The following RAB27B variants were observed in gnomAD, a reference collection of about 807,000 sequenced individuals.
RAB27B encodes ras-related protein Rab-27B.
Under a neutral mutation model 24.6 loss-of-function variants are expected in RAB27B, and 15 were observed. The ratio of observed to expected loss-of-function variants is 0.61; its 90% CI spans 0.41 to 0.94. The LOEUF (loss-of-function observed/expected upper bound fraction) is 0.94, where lower values mean the gene tolerates loss of function less well. RAB27B is among the 40% of genes least tolerant of loss of function. RAB27B has a pLI of 0.00. For synonymous variants in RAB27B, 105 were observed against 92.5 expected, an observed-to-expected ratio of 1.14 and a Z score of -0.78; for missense variants, 261 against 266.8, an observed-to-expected ratio of 0.98 and a Z score of 0.15.
intron 2 of RAB27B, among the ~76,000 whole-genome samples, chr18:54,804,500 A>C (rs1218174964): frequency 6.6e-6 from 1 of 152,198 alleles, no homozygotes; most frequent in African/African-American, 2.4e-5. Context: ...AGCCACATGG[A>C]ACTGTAAGTC....
intron 4 of RAB27B, among the ~76,000 whole-genome samples, chr18:54,887,178 A>T (rs1235028948): frequency 6.6e-6 from 1 of 151,418 alleles, no homozygotes; most frequent in East Asian, 1.9e-4. Context: ...ATTTGTAGTG[A>T]TTAAAAAATG....
chr18:54,719,331 A>G (rs1251678713), intron 2 of RAB27B, among the ~76,000 whole-genome samples: 1 of 152,074 alleles, frequency 6.6e-6, no homozygotes, highest in African/African-American at 2.4e-5. Context: ...TTTATTTGGT[A>G]AACAAAAGAG....
At chr18:54,850,647 T>G (rs1285709769) in intron 1 of RAB27B, among the ~76,000 whole-genome samples, 1 of 151,570 alleles carries the variant, frequency 6.6e-6, no homozygotes, top group East Asian at 1.9e-4. Flanking sequence ...ATTGCAGGCG[T>G]GAGCCACCGT....
At chr18:54,823,361 A>C (rs1192520614) in intron 2 of RAB27B, among the ~76,000 whole-genome samples, 1 of 152,216 alleles carries the variant, frequency 6.6e-6, no homozygotes, top group Non-Finnish European at 1.5e-5. Flanking sequence ...TTTCTGGTGA[A>C]GCCTTCCCTG....
At chr18:54,831,803 G>A (rs937856300) in intron 1 of RAB27B, among the ~76,000 whole-genome samples, 5 of 151,912 alleles carry the variant, frequency 3.3e-5, no homozygotes, top group Admixed American at 6.6e-5. Flanking sequence ...CTGAGACAGA[G>A]TCTTGCTCTG....
chr18:54,820,845 T>A (rs1910286850), intron 2 of RAB27B, among the ~76,000 whole-genome samples: 1 of 152,190 alleles, frequency 6.6e-6, no homozygotes, highest in African/African-American at 2.4e-5. Context: ...GGCTAGCTAG[T>A]TTTCCCAGCA....
intron 2 of RAB27B, among the ~76,000 whole-genome samples, chr18:54,798,418 T>C (rs1909491495): frequency 6.6e-6 from 1 of 152,210 alleles, no homozygotes; most frequent in Admixed American, 6.5e-5. Flanking sequence ...GGTGACAGGA[T>C]CAAAGAACTA....
At chr18:54,794,836 A>G (rs1909363669) in intron 2 of RAB27B, among the ~76,000 whole-genome samples, 1 of 152,246 alleles carries the variant, frequency 6.6e-6, no homozygotes, top group South Asian at 2.1e-4. Flanking sequence ...GTACAAAATA[A>G]TTAAAAATGT....
chr18:54,728,926 A>T (rs1226558463), intron 2 of RAB27B, among the ~76,000 whole-genome samples: 3 of 123,254 alleles, frequency 2.4e-5, no homozygotes, highest in Non-Finnish European at 3.5e-5. Context: ...AAAAAAAACC[A>T]CCACCAAAGG....
At chr18:54,829,181 C>G (rs1299551724) in intron 1 of RAB27B, among the ~76,000 whole-genome samples, 1 of 152,162 alleles carries the variant, frequency 6.6e-6, no homozygotes, top group Non-Finnish European at 1.5e-5. Flanking sequence ...CTTAAGAGTA[C>G]TTTCTGTTTT....
rs1212519594 is a variant in RAB27B at position 54,728,883 on chromosome 18, AAAAAAAAAAAAAAAAAACCC to A, written c.-20+10760_-20+10779del. The stretch of plus-strand genomic sequence containing the variant: ...AGAGTAAGACTCTGTCTCAAAAAAA[AAAAAAAAAAAAAAAAAACCC>A]AAAAAAAAAAAAAAAAAAAACCACC... On this transcript the variant is annotated intron_variant, in intron 2 of 4. Coordinates refer to the RAB27B transcript ENST00000586570. 1.1e-4 allele frequency among the ~76,000 whole-genome samples: 11 copies of A among 96,388 alleles called. No individual in the cohort carries two copies. In the South Asian group the frequency reaches 3.4e-3, roughly 30 times the overall value. 63.2% of individuals were successfully genotyped at this position (96,388 alleles called of 152,430 possible). A position where few individuals can be genotyped will look rare whatever the true frequency, so the allele number is the denominator to read the frequency against.
intron 1 of RAB27B, among the ~76,000 whole-genome samples, chr18:54,843,297 G>A (rs1233200468): frequency 2.0e-5 from 3 of 152,098 alleles, no homozygotes; most frequent in Non-Finnish European, 4.4e-5. Context: ...GCCCTGTAGA[G>A]TTGATATTTG....
intron 2 of RAB27B, among the ~76,000 whole-genome samples, chr18:54,749,902 T>C (rs1194486724): frequency 6.6e-6 from 1 of 152,188 alleles, no homozygotes; most frequent in African/African-American, 2.4e-5. Flanking sequence ...CTGTTAGTAA[T>C]TGTGCTCTTT....
intron 3 of RAB27B, among the ~76,000 whole-genome samples, chr18:54,882,611 G>C (rs913522768): frequency 3.9e-5 from 6 of 152,186 alleles, no homozygotes; most frequent in African/African-American, 1.2e-4. Flanking sequence ...TGCTATCCAG[G>C]CTCAACGAAG....
chr18:54,881,260 A>T (rs1230788049), intron 3 of RAB27B, among the ~76,000 whole-genome samples: 2 of 152,172 alleles, frequency 1.3e-5, no homozygotes, highest in African/African-American at 2.4e-5. Flanking sequence ...GTCAAGCTCA[A>T]ATCTGTCTTT....
At chr18:54,812,112 G>A (rs547255728) in intron 2 of RAB27B, among the ~76,000 whole-genome samples, 1 of 152,232 alleles carries the variant, frequency 6.6e-6, no homozygotes, top group South Asian at 2.1e-4. Flanking sequence ...TCTTGCTATT[G>A]TCTTTATGAA....
chr18:54,882,446 A>C (rs1228995588), intron 3 of RAB27B, among the ~76,000 whole-genome samples: 2 of 152,188 alleles, frequency 1.3e-5, no homozygotes, highest in Admixed American at 6.5e-5. Flanking sequence ...AAACAATCGC[A>C]ATGGAGCCTT....
intron 2 of RAB27B, among the ~76,000 whole-genome samples, chr18:54,807,697 G>A (rs953222301): frequency 3.3e-5 from 5 of 152,080 alleles, no homozygotes; most frequent in East Asian, 1.9e-4. Flanking sequence ...TAGTTTTCCT[G>A]TTGAACATTC....
intron 2 of RAB27B, among the ~76,000 whole-genome samples, chr18:54,787,393 G>A (rs1456059842): frequency 1.3e-5 from 2 of 152,176 alleles, no homozygotes; most frequent in Non-Finnish European, 2.9e-5. Flanking sequence ...CTATAGTGTT[G>A]TTATTTTCAA....
Sources: gnomAD v4.1 joint callset for allele counts (sites outside exome capture counted in the v4.1 genomes callset) on GRCh38, gnomAD v4.1.1 for gene constraint, MANE v1.5 for transcripts, NCBI Gene and HGNC (gene_info 2026-07-23, HGNC 2026-07-21) for gene names.